Variants in STPG2 observed in about 807,000 individuals in gnomAD.
STPG2 encodes the protein sperm tail PG-rich repeat containing 2.
Under a neutral mutation model 54.2 loss-of-function variants are expected in STPG2, and 56 were observed. The observed-to-expected ratio is 1.03, with a 90% CI of 0.83 to 1.29. The LOEUF is 1.29. Ranked by LOEUF, STPG2 falls within the 50% of genes most tolerant of loss-of-function variation. The pLI is 0.00. For synonymous variants in STPG2, 200 were observed against 181.8 expected (o/e 1.10, Z -0.81); for missense variants, 596 against 544.9 (o/e 1.09, Z -0.93).
chr4:98,005,237 A>C (rs1735540184), intron 5 of STPG2, among the ~76,000 whole-genome samples: 1 of 152,090 alleles, frequency 6.6e-6, no homozygotes, highest in African/African-American at 2.4e-5. Flanking sequence ...GATGATGCCC[A>C]CCCAGATTAG....
At chr4:98,025,393 T>C in intron 5 of STPG2, 1 of 360,936 alleles carries the variant, frequency 2.8e-6, no homozygotes, top group South Asian at 2.4e-5. Context: ...TTCCACAGTT[T>C]GTTAAAGTTG....
chr4:97,705,709 C>T (rs1380921773), intron 10 of STPG2, among the ~76,000 whole-genome samples: 1 of 151,790 alleles, frequency 6.6e-6, no homozygotes, highest in Non-Finnish European at 1.5e-5. Context: ...TACCTTTCAC[C>T]TATTAACAAA....
At chr4:97,813,436 A>G (rs1578586885) in intron 9 of STPG2, among the ~76,000 whole-genome samples, 1 of 152,198 alleles carries the variant, frequency 6.6e-6, no homozygotes, top group South Asian at 2.1e-4. Flanking sequence ...TGCTATGGGT[A>G]CTATGCTAGG....
At chr4:97,689,241 A>T (rs1220093414) in intron 10 of STPG2, among the ~76,000 whole-genome samples, 2 of 152,188 alleles carry the variant, frequency 1.3e-5, no homozygotes, top group Non-Finnish European at 2.9e-5. Flanking sequence ...CTTCCTTCTC[A>T]TCAAGAAACT....
chr4:97,683,403 A>T (rs956755937), intron 10 of STPG2, among the ~76,000 whole-genome samples: 17 of 151,854 alleles, frequency 1.1e-4, no homozygotes, highest in African/African-American at 4.1e-4. Flanking sequence ...GCTACAGTAC[A>T]TTCTGCTGTA....
At chr4:97,717,206 C>A (rs117984605) in intron 9 of STPG2, among the ~76,000 whole-genome samples, 2 of 152,216 alleles carry the variant, frequency 1.3e-5, no homozygotes, top group East Asian at 3.9e-4. Context: ...CAATACTACA[C>A]GAATTTTAAA....
intron 5 of STPG2, among the ~76,000 whole-genome samples, chr4:98,016,192 A>G (rs1303525689): frequency 6.6e-6 from 1 of 152,188 alleles, no homozygotes; most frequent in African/African-American, 2.4e-5. Context: ...TGTATCCCAG[A>G]ACTTAAAGTA....
rs113309513 is a variant in STPG2, at chr4:98,123,537, G to A, written c.387+4891C>T. Among the ~76,000 whole-genome samples the A allele has an allele frequency of 5.3e-5, 8 of 152,188 alleles. No individual in the cohort carries two copies. In the South Asian group the frequency reaches 6.2e-4, roughly 12 times the overall value. ...AAATCTTTAGTTCTATTTTGATTACGCTGTTGTCTGAGAGACTGTTCATTA... is the reference window on the plus strand; with the variant it reads ...AAATCTTTAGTTCTATTTTGATTACACTGTTGTCTGAGAGACTGTTCATTA... On this transcript the variant is annotated intron_variant, in intron 3 of 10. Coordinates refer to ENST00000295268, the MANE Select transcript of STPG2 (RefSeq NM_174952.3).
chr4:97,665,071 T>C (rs1911790), intron 10 of STPG2, among the ~76,000 whole-genome samples: 89,358 of 151,908 alleles, frequency 0.59, 26,609 homozygotes, highest in South Asian at 0.68. Context: ...GAGAATGCAG[T>C]GGTGCCCAGA....
chr4:98,055,648 A>C (rs1334998509), intron 5 of STPG2, among the ~76,000 whole-genome samples: 1 of 152,186 alleles, frequency 6.6e-6, no homozygotes, highest in Non-Finnish European at 1.5e-5. Context: ...AGTAGAGCCC[A>C]GAGGATTTGA....
At chr4:97,787,209 T>C (rs921250629) in intron 9 of STPG2, among the ~76,000 whole-genome samples, 15 of 152,254 alleles carry the variant, frequency 9.9e-5, no homozygotes, top group Non-Finnish European at 1.6e-4. Flanking sequence ...TTTTTTCTTT[T>C]GTGCCTGGGT....
intron 10 of STPG2, among the ~76,000 whole-genome samples, chr4:97,619,524 G>GTTTT (rs5860507): frequency 7.0e-6 from 1 of 142,412 alleles, no homozygotes; most frequent in African/African-American, 2.6e-5. Flanking sequence ...TGATTCCAGT[G>GTTTT]TTTTTTTTTT....
At chr4:97,715,683 T>C (rs1479312767) in intron 9 of STPG2, among the ~76,000 whole-genome samples, 1 of 152,120 alleles carries the variant, frequency 6.6e-6, no homozygotes, top group Admixed American at 6.6e-5. Context: ...TTTTTTCATA[T>C]GAAGGTGACA....
chr4:98,009,155 C>T, intron 5 of STPG2, among the ~76,000 whole-genome samples: 1 of 150,988 alleles, frequency 6.6e-6, no homozygotes. Context: ...CTTTACTTTC[C>T]CTTTCTTTGT....
At chr4:97,475,509 T>C (rs1730048856) in intron 4 of STPG2, among the ~76,000 whole-genome samples, 1 of 150,192 alleles carries the variant, frequency 6.7e-6, no homozygotes, top group Non-Finnish European at 1.5e-5. Context: ...ATGTAAAATA[T>C]GTATATAATA....
intron 5 of STPG2, among the ~76,000 whole-genome samples, chr4:98,078,850 A>C (rs1002864043): frequency 6.6e-6 from 1 of 152,166 alleles, no homozygotes; most frequent in Non-Finnish European, 1.5e-5. Flanking sequence ...TAAGATTTTA[A>C]ATATCTTAAA....
At chr4:97,688,876 AG>A (rs1723280358) in intron 10 of STPG2, among the ~76,000 whole-genome samples, 1 of 152,246 alleles carries the variant, frequency 6.6e-6, no homozygotes, top group Non-Finnish European at 1.5e-5. Flanking sequence ...TACCAATTTA[AG>A]GTCTTTCCTT....
At chr4:97,911,183 C>T (rs947360394) in intron 8 of STPG2, among the ~76,000 whole-genome samples, 2 of 152,202 alleles carry the variant, frequency 1.3e-5, no homozygotes, top group African/African-American at 4.8e-5. Context: ...GCCACCAGGG[C>T]CTTGGGTGAA....
intron 9 of STPG2, among the ~76,000 whole-genome samples, chr4:97,753,941 C>T (rs779316373): frequency 3.0e-4 from 45 of 151,878 alleles, no homozygotes; most frequent in Non-Finnish European, 7.4e-5. Context: ...ATATGATTTG[C>T]AAATATTTTC....
Sources: allele counts gnomAD v4.1 joint callset (sites outside exome capture counted in the v4.1 genomes callset), GRCh38; gene constraint gnomAD v4.1.1; transcripts MANE v1.5; gene names NCBI Gene and HGNC (gene_info 2026-07-23, HGNC 2026-07-21).